CHN2: variants seen among roughly 807,000 people sequenced by gnomAD.
The protein encoded by CHN2 is beta-chimaerin.
CHN2 carries 35 observed loss-of-function variants against 56.3 expected under a neutral mutation model. That is an observed-to-expected ratio of 0.62 (90% CI 0.47 to 0.82). The LOEUF (loss-of-function observed/expected upper bound fraction) is 0.82. CHN2 is among the 40% of genes least tolerant of loss of function. CHN2 has a pLI of 0.00. For synonymous variants in CHN2, 210 were observed against 212.8 expected (o/e 0.99, Z 0.12); for missense variants, 491 against 580.5 (o/e 0.85, Z 1.58).
chr7:29,431,095 AG>A (rs1393971319), intron 6 of CHN2, among the ~76,000 whole-genome samples: 6 of 152,180 alleles, frequency 3.9e-5, no homozygotes, highest in Admixed American at 2.0e-4. Flanking sequence ...TACCTGGTAT[AG>A]GGAACACCCA....
intron 6 of CHN2, among the ~76,000 whole-genome samples, chr7:29,410,389 T>A (rs1045450731): frequency 4.6e-5 from 7 of 152,116 alleles, no homozygotes; most frequent in Non-Finnish European, 2.9e-5. Context: ...TGGGATGATA[T>A]GTTAAAAAGA....
chr7:29,266,258 TC>T (rs1790135830), intron 1 of CHN2, among the ~76,000 whole-genome samples: 1 of 152,338 alleles, frequency 6.6e-6, no homozygotes, highest in South Asian at 2.1e-4. Context: ...GATAAATACT[TC>T]TTTCTTCTGT....
chr7:29,168,545 C>T (rs1796196360), intron 2 of CHN2, among the ~76,000 whole-genome samples: 1 of 152,124 alleles, frequency 6.6e-6, no homozygotes, highest in African/African-American at 2.4e-5. Context: ...TGCCAGACAT[C>T]CTATAGTTTC....
chr7:29,364,287 A>G (rs1414068610), intron 2 of CHN2, among the ~76,000 whole-genome samples: 1 of 152,362 alleles, frequency 6.6e-6, no homozygotes, highest in East Asian at 1.9e-4. Context: ...GGTATCTTGC[A>G]TATAGCAGAT....
intron 7 of CHN2, among the ~76,000 whole-genome samples, chr7:29,486,833 C>A (rs1788066366): frequency 6.6e-6 from 1 of 152,180 alleles, no homozygotes; most frequent in Non-Finnish European, 1.5e-5. Flanking sequence ...CACTAAAACA[C>A]CTGTCCAGGA....
At chr7:29,173,949 C>T (rs192338093) in intron 2 of CHN2, among the ~76,000 whole-genome samples, 1 of 115,818 alleles carries the variant, frequency 8.6e-6, no homozygotes, top group Non-Finnish European at 1.8e-5. Context: ...GAGACTGACT[C>T]AAAAAAAAAA....
chr7:29,210,086 G>T (rs1294136303), intron 1 of CHN2, among the ~76,000 whole-genome samples: 1 of 151,698 alleles, frequency 6.6e-6, no homozygotes, highest in Non-Finnish European at 1.5e-5. Flanking sequence ...ATCTCTGAGG[G>T]TCTTAAAATT....
At chr7:29,485,111 G>A (rs1052678620) in intron 7 of CHN2, among the ~76,000 whole-genome samples, 2 of 152,090 alleles carry the variant, frequency 1.3e-5, no homozygotes, top group Admixed American at 1.3e-4. Context: ...AAAATAGCTG[G>A]TGAGCTTCCA....
intron 1 of CHN2, among the ~76,000 whole-genome samples, chr7:29,265,824 G>A (rs1012583825): frequency 3.3e-5 from 5 of 152,120 alleles, no homozygotes; most frequent in South Asian, 2.1e-4. Context: ...ATGGATGAGC[G>A]TAACAACAAG....
chr7:29,261,398 C>T (rs1030820476), intron 1 of CHN2, among the ~76,000 whole-genome samples: 8 of 152,172 alleles, frequency 5.3e-5, no homozygotes, highest in Non-Finnish European at 8.8e-5. Context: ...TTATCTTCAC[C>T]TCCCCTGCTA....
chr7:29,494,931 G>C (rs1236776324), intron 7 of CHN2, among the ~76,000 whole-genome samples: 2 of 26,934 alleles, frequency 7.4e-5, no homozygotes, highest in African/African-American at 2.7e-4. Flanking sequence ...CTGCTTTTTT[G>C]TTAAATAAAA....
intron 7 of CHN2, among the ~76,000 whole-genome samples, chr7:29,482,570 G>A (rs1787382430): frequency 6.6e-6 from 1 of 151,838 alleles, no homozygotes; most frequent in African/African-American, 2.4e-5. Flanking sequence ...CTAGGTCCCT[G>A]CCATCTGCTT....
Position 29,480,364 on chromosome 7 carries a change from A to G in CHN2, c.654+8A>G. 6.2e-7 allele frequency: 1 copy of G among 1,613,430 alleles called. No homozygotes were observed. Among genetic ancestry groups the G allele is most frequent in the Non-Finnish European group, 8.5e-7 (1 of 1,179,300 alleles). On this transcript the variant is annotated splice_region_variant and intron_variant, in intron 7 of 12. Coordinates refer to ENST00000222792, the MANE Select transcript of CHN2 (RefSeq NM_004067.4). ...AAGACACACAACTTTAAGGTAAGCAAGCCTCTGCATTCCTTCTTCTGTTAC... is the reference window on the plus strand; with the variant it reads ...AAGACACACAACTTTAAGGTAAGCAGGCCTCTGCATTCCTTCTTCTGTTAC...
chr7:29,191,118 A>G (rs1041442588), upstream of CHN2, among the ~76,000 whole-genome samples: 3 of 152,034 alleles, frequency 2.0e-5, no homozygotes, highest in Admixed American at 6.6e-5. Context: ...TTATGTTTTT[A>G]GAGATGAGGC....
At chr7:29,440,893 A>T (rs918692196) in intron 6 of CHN2, among the ~76,000 whole-genome samples, 1 of 152,040 alleles carries the variant, frequency 6.6e-6, no homozygotes, top group Admixed American at 6.6e-5. Flanking sequence ...GACTTGAAAG[A>T]TACTAGAACT....
chr7:29,384,993 A>C (rs565708431), intron 3 of CHN2, among the ~76,000 whole-genome samples: 114 of 152,238 alleles, frequency 7.5e-4, no homozygotes, highest in Non-Finnish European at 1.4e-3. Context: ...CCAAGAAATA[A>C]ATTTCTTCTT....
intron 1 of CHN2, chr7:29,208,798 A>G (rs1268519121): frequency 6.6e-6 from 1 of 152,186 alleles, no homozygotes; most frequent in African/African-American, 2.4e-5. Flanking sequence ...ACTCTAAAAC[A>G]AAGTGCTGAG....
At chr7:29,412,592 G>A (rs551809694) in intron 6 of CHN2, among the ~76,000 whole-genome samples, 1 of 152,166 alleles carries the variant, frequency 6.6e-6, no homozygotes, top group Non-Finnish European at 1.5e-5. Context: ...GCTTCCCAAA[G>A]TGCTGGGATT....
At chr7:29,244,912 AATCTTC>A (rs1787953850) in intron 1 of CHN2, among the ~76,000 whole-genome samples, 1 of 152,172 alleles carries the variant, frequency 6.6e-6, no homozygotes, top group South Asian at 2.1e-4. Flanking sequence ...ATAAGTACTG[AATCTTC>A]ATCTTGGTCT....
Sources: allele counts gnomAD v4.1 joint callset (sites outside exome capture counted in the v4.1 genomes callset), GRCh38; gene constraint gnomAD v4.1.1; transcripts MANE v1.5; gene names NCBI Gene and HGNC (gene_info 2026-07-23, HGNC 2026-07-21).